The following CEP128 variants were observed in gnomAD, a reference collection of about 807,000 sequenced individuals.
CEP128 encodes centrosomal protein 128kDa.
Under a neutral mutation model 156.7 loss-of-function variants are expected in CEP128, and 132 were observed. The observed-to-expected ratio is 0.84, with a 90% CI of 0.73 to 0.97. The LOEUF (loss-of-function observed/expected upper bound fraction) is 0.97. Ranked by LOEUF, CEP128 falls within the 50% of genes least tolerant of loss-of-function variation. CEP128 has a pLI of 0.00. For synonymous variants in CEP128, 469 were observed against 448.9 expected (o/e 1.04, Z -0.57); for missense variants, 1,252 against 1,281.9 (o/e 0.98, Z 0.36).
intron 19 of CEP128, among the ~76,000 whole-genome samples, chr14:80,735,929 G>A (rs571873372): frequency 6.6e-6 from 1 of 152,118 alleles, no homozygotes; most frequent in African/African-American, 2.4e-5. Context: ...ATTATATTGT[G>A]TCCCAGATAA....
At chr14:80,819,666 G>C (rs1885061212) in intron 13 of CEP128, among the ~76,000 whole-genome samples, 1 of 152,048 alleles carries the variant, frequency 6.6e-6, no homozygotes, top group Admixed American at 6.6e-5. Flanking sequence ...TTGAAATTTT[G>C]AATTTTGGCG....
chr14:80,852,281 T>A (rs2140122043), intron 9 of CEP128, among the ~76,000 whole-genome samples: 1 of 152,004 alleles, frequency 6.6e-6, no homozygotes, highest in Middle Eastern at 3.4e-3. Context: ...CACACATATA[T>A]CTCTGAAAAT....
intron 19 of CEP128, among the ~76,000 whole-genome samples, chr14:80,674,758 T>C (rs1373319288): frequency 2.0e-5 from 3 of 152,114 alleles, no homozygotes; most frequent in Non-Finnish European, 4.4e-5. Flanking sequence ...TATACCGCCA[T>C]GGAACTAACT....
chr14:80,680,319 C>A (rs1428191817), intron 19 of CEP128, among the ~76,000 whole-genome samples: 2 of 152,078 alleles, frequency 1.3e-5, no homozygotes, highest in African/African-American at 4.8e-5. Context: ...AGTGATCCAC[C>A]CTGAAGCAGA....
At chr14:80,621,631 G>C (rs189708372) in intron 19 of CEP128, among the ~76,000 whole-genome samples, 13 of 152,066 alleles carry the variant, frequency 8.5e-5, no homozygotes, top group East Asian at 1.9e-4. Flanking sequence ...AGACTAAAAA[G>C]GGGGTACGGT....
chr14:80,625,136 C>G (rs1307360142), intron 19 of CEP128, among the ~76,000 whole-genome samples: 2 of 152,134 alleles, frequency 1.3e-5, no homozygotes, highest in Non-Finnish European at 2.9e-5. Context: ...TTTATTCTTT[C>G]ACATATGGAT....
At chr14:80,675,171 A>C (rs1187000804) in intron 19 of CEP128, among the ~76,000 whole-genome samples, 3 of 152,098 alleles carry the variant, frequency 2.0e-5, no homozygotes, top group African/African-American at 7.2e-5. Flanking sequence ...AAAAGTAGAC[A>C]ATATAATATA....
At chr14:80,500,173 C>T (rs948598071) in intron 24 of CEP128, among the ~76,000 whole-genome samples, 1 of 152,198 alleles carries the variant, frequency 6.6e-6, no homozygotes, top group African/African-American at 2.4e-5. Context: ...ACTTCAGAGA[C>T]CACAAATTAT....
chr14:80,497,586 G>A lies in CEP128; in HGVS notation c.3182-4C>T, dbSNP rs765755561. On this transcript the variant is annotated splice_region_variant and splice_polypyrimidine_tract_variant and intron_variant, in intron 24 of 24. Coordinates refer to ENST00000555265, the MANE Select transcript of CEP128 (RefSeq NM_152446.5). ...GCAACAGTTCTTTTGGTAAATGCTG[G>A]CAAGGTAAGAAGAAAAAGAAAAATA... 9 of 1,600,822 alleles carry A rather than the reference G, an allele frequency of 5.6e-6. No homozygotes were observed. In the South Asian group the frequency reaches 1.0e-4, roughly 18 times the overall value.
At chr14:80,741,296 A>T (rs1024584206) in intron 19 of CEP128, among the ~76,000 whole-genome samples, 5 of 152,202 alleles carry the variant, frequency 3.3e-5, no homozygotes, top group Non-Finnish European at 7.3e-5. Flanking sequence ...TTTAGGTTTT[A>T]GTAAACCTGA....
Position 80,840,715 on chromosome 14 carries a change from AT to A in CEP128, c.815del (p.Asn272IlefsTer3). ...TCTCAGTTTCAGTTTGTCTTAGCTT[AT>A]TTTTTATTGCCCCCTCATGCTCATC... ...KADEHEGAIK[N>X]KLRQTETEKN... On this transcript the variant is annotated frameshift_variant, in exon 10 of 25. Coordinates refer to ENST00000555265, the MANE Select transcript of CEP128 (RefSeq NM_152446.5). LOFTEE classifies it high-confidence loss of function. The A allele has an allele frequency of 6.2e-7, 1 of 1,610,968 alleles. No individual in the cohort carries two copies.
intron 13 of CEP128, among the ~76,000 whole-genome samples, chr14:80,810,751 C>A (rs541740734): frequency 6.6e-5 from 10 of 152,208 alleles, no homozygotes; most frequent in Admixed American, 5.9e-4. Context: ...CCACAGTGAA[C>A]CCATCTGATC....
chr14:80,551,251 A>G (rs1020456707), intron 21 of CEP128, among the ~76,000 whole-genome samples: 3 of 152,216 alleles, frequency 2.0e-5, no homozygotes, highest in African/African-American at 7.2e-5. Flanking sequence ...AGGCATGCCA[A>G]AAAGGCTTTA....
intron 19 of CEP128, among the ~76,000 whole-genome samples, chr14:80,674,028 T>C (rs779835459): frequency 1.8e-4 from 28 of 151,948 alleles, no homozygotes; most frequent in Non-Finnish European, 3.5e-4. Context: ...CTTTCGTTTC[T>C]TAGACAAAAG....
At chr14:80,732,515 T>TGTGTGTGTGC (rs1555396242) in intron 19 of CEP128, among the ~76,000 whole-genome samples, 3 of 148,004 alleles carry the variant, frequency 2.0e-5, no homozygotes, top group Admixed American at 1.3e-4. Flanking sequence ...TGTGTGTGTG[T>TGTGTGTGTGC]GTGTGGTTTC....
At chr14:80,531,789 G>T (rs1889237628) in intron 21 of CEP128, among the ~76,000 whole-genome samples, 1 of 152,190 alleles carries the variant, frequency 6.6e-6, no homozygotes, top group Admixed American at 6.5e-5. Flanking sequence ...TTGCAGGGAA[G>T]TTAGTGGCCC....
At chr14:80,933,942 G>T (rs1175650327) in intron 2 of CEP128, among the ~76,000 whole-genome samples, 1 of 152,180 alleles carries the variant, frequency 6.6e-6, no homozygotes, top group Non-Finnish European at 1.5e-5. Context: ...ATAAGCCTTA[G>T]ATTGCAAAAT....
chr14:80,792,730 A>C, intron 14 of CEP128, 30 bp downstream of exon 14: 7 of 1,570,232 alleles, frequency 4.5e-6, no homozygotes, highest in Non-Finnish European at 5.2e-6. Flanking sequence ...TCACATTGAA[A>C]ACCGTTCCTT....
intron 19 of CEP128, among the ~76,000 whole-genome samples, chr14:80,648,698 A>C (rs1323439988): frequency 6.6e-6 from 1 of 152,150 alleles, no homozygotes; most frequent in African/African-American, 2.4e-5. Flanking sequence ...TCACCTGTTT[A>C]TTCATTTTTT....
Sources: gnomAD v4.1 joint callset for allele counts (sites outside exome capture counted in the v4.1 genomes callset) on GRCh38, gnomAD v4.1.1 for gene constraint, MANE v1.5 for transcripts, NCBI Gene and HGNC (gene_info 2026-07-23, HGNC 2026-07-21) for gene names.